The following INSL6 variants were observed in gnomAD, a reference collection of about 807,000 sequenced individuals.
INSL6 encodes insulin-like peptide INSL6.
INSL6 carries 16 observed loss-of-function variants against 9.4 expected under a neutral mutation model. The observed-to-expected ratio is 1.70, with a 90% confidence interval of 1.15 to 2.59. The LOEUF (loss-of-function observed/expected upper bound fraction) is 2.59. Among genes scored for constraint, INSL6 ranks in the 30% most tolerant of loss-of-function variants. The pLI, the probability that INSL6 is intolerant of heterozygous loss-of-function variation, is 0.00. For missense variants in INSL6, 391 were observed against 257.3 expected, an observed-to-expected ratio of 1.52 and a Z score of -3.56; for synonymous variants, 154 against 96.9, an observed-to-expected ratio of 1.59 and a Z score of -3.46.
intron 2 of INSL6, among the ~76,000 whole-genome samples, chr9:5,156,579 A>G (rs1264013642): frequency 6.6e-6 from 1 of 152,140 alleles, no homozygotes; most frequent in Admixed American, 6.5e-5. Context: ...ATAAAAGGAA[A>G]CTTTTTCAGC....
the INSL6 span, among the ~76,000 whole-genome samples, chr9:5,023,751 T>C: frequency 6.6e-6 from 1 of 152,206 alleles, no homozygotes; most frequent in African/African-American, 2.4e-5. Flanking sequence ...TATATACTCA[T>C]GGTTTTAGTT....
chr9:5,017,888 C>T, the INSL6 span, among the ~76,000 whole-genome samples: 273 of 152,118 alleles, frequency 1.8e-3, 1 homozygote, highest in East Asian at 2.7e-3. Flanking sequence ...CTAGAATTAC[C>T]TTGTCTCTTT....
the INSL6 span, among the ~76,000 whole-genome samples, chr9:4,999,889 C>T: frequency 6.6e-6 from 1 of 152,112 alleles, no homozygotes; most frequent in Admixed American, 6.5e-5. Context: ...TACTCCTGTC[C>T]TTTTTCAAAG....
the INSL6 span, among the ~76,000 whole-genome samples, chr9:5,023,158 T>C: frequency 2.6e-5 from 4 of 152,200 alleles, no homozygotes; most frequent in Admixed American, 2.6e-4. Flanking sequence ...TTCATTTCCC[T>C]CTTCCCACCC....
At chr9:5,019,039 C>T in the INSL6 span, among the ~76,000 whole-genome samples, 1 of 152,108 alleles carries the variant, frequency 6.6e-6, no homozygotes, top group African/African-American at 2.4e-5. Context: ...TGTGGAGAAC[C>T]TGTTGGAATT....
At chr9:5,053,439 T>C in the INSL6 span, among the ~76,000 whole-genome samples, 3 of 152,116 alleles carry the variant, frequency 2.0e-5, no homozygotes, top group Non-Finnish European at 4.4e-5. Flanking sequence ...ATTGTTATTT[T>C]ACTTTCCTGA....
chr9:5,127,678 A>C (rs940509304), intron 3 of INSL6: 14 of 232,178 alleles, frequency 6.0e-5, no homozygotes, highest in African/African-American at 2.4e-4. Context: ...ACTGCCAATA[A>C]CATTCTTCGA....
the INSL6 span, chr9:5,086,183 C>G: frequency 2.0e-6 from 1 of 490,080 alleles, no homozygotes; most frequent in Non-Finnish European, 2.8e-6. Context: ...CGGTCTCCAG[C>G]AACAGCCGCG....
the INSL6 span, among the ~76,000 whole-genome samples, chr9:5,035,135 T>G: frequency 5.9e-5 from 9 of 152,120 alleles, no homozygotes; most frequent in East Asian, 1.9e-4. Flanking sequence ...AAATCTAGAA[T>G]AAATGGATAA....
At chr9:5,055,146 T>C in the INSL6 span, among the ~76,000 whole-genome samples, 1 of 152,022 alleles carries the variant, frequency 6.6e-6, no homozygotes, top group East Asian at 1.9e-4. Flanking sequence ...CTAAAAGTGA[T>C]TTTAAAGGAG....
At chr9:5,091,220 T>G in the INSL6 span, 1 of 193,024 alleles carries the variant, frequency 5.2e-6, no homozygotes, top group East Asian at 1.3e-4. Flanking sequence ...TGTGGTATTG[T>G]GTTGAATTTT....
At chr9:5,090,958 C>T in the INSL6 span, 2 of 1,281,004 alleles carry the variant, frequency 1.6e-6, no homozygotes, top group Non-Finnish European at 1.1e-6. Context: ...GCACAGACTT[C>T]AAACTTTATT....
At chr9:5,143,278 T>C (rs1474204412) in intron 2 of INSL6, among the ~76,000 whole-genome samples, 1 of 151,986 alleles carries the variant, frequency 6.6e-6, no homozygotes, top group African/African-American at 2.4e-5. Context: ...TACCAGCTCT[T>C]CTTTATACAT....
At chr9:5,036,022 CT>C in the INSL6 span, among the ~76,000 whole-genome samples, 1 of 152,220 alleles carries the variant, frequency 6.6e-6, no homozygotes, top group Non-Finnish European at 1.5e-5. Flanking sequence ...TGATAAGCAA[CT>C]TCAGCAAAGT....
the INSL6 span, among the ~76,000 whole-genome samples, chr9:5,067,381 G>A: frequency 6.6e-6 from 1 of 151,994 alleles, no homozygotes; most frequent in Non-Finnish European, 1.5e-5. Context: ...CACTTATGAG[G>A]CAATTTCATG....
chr9:5,114,304 C>A, the INSL6 span: 1 of 542,728 alleles, frequency 1.8e-6, no homozygotes. Flanking sequence ...CTGACTTGGT[C>A]CCAGGCCAGT....
At chr9:5,071,110 T>A in the INSL6 span, among the ~76,000 whole-genome samples, 3 of 152,184 alleles carry the variant, frequency 2.0e-5, no homozygotes, top group Non-Finnish European at 2.9e-5. Flanking sequence ...TTGGGCTTCA[T>A]TATACTACCT....
the INSL6 span, among the ~76,000 whole-genome samples, chr9:5,044,809 T>G: frequency 6.6e-6 from 1 of 152,220 alleles, no homozygotes; most frequent in Non-Finnish European, 1.5e-5. Flanking sequence ...AGACTGAGGT[T>G]TACAACATGA....
chr9:5,126,449 A>T, intron 3 of INSL6: 1 of 1,586,512 alleles, frequency 6.3e-7, no homozygotes, highest in Non-Finnish European at 8.6e-7. Flanking sequence ...CAGATGAGGT[A>T]ACAATTTTTT....
Sources: gnomAD v4.1 joint callset for allele counts (sites outside exome capture counted in the v4.1 genomes callset) on GRCh38, gnomAD v4.1.1 for gene constraint, MANE v1.5 for transcripts, NCBI Gene and HGNC (gene_info 2026-07-23, HGNC 2026-07-21) for gene names.